Variants in HS6ST3 observed in about 807,000 individuals in gnomAD.
The protein encoded by HS6ST3 is heparan sulfate 6-O-sulfotransferase 3, also known as heparan-sulfate 6-O-sulfotransferase 3.
In HS6ST3, 12 loss-of-function variants were observed where a neutral mutation model predicts 36.7. The observed-to-expected ratio is 0.33, with a 90% CI of 0.21 to 0.53. HS6ST3 has a LOEUF of 0.53. Ranked by LOEUF, HS6ST3 falls within the 20% of genes least tolerant of loss-of-function variation. The probability of loss-of-function intolerance (pLI) is 0.95; values close to 1 mark genes in which losing one functional copy is unlikely to be tolerated. For synonymous variants in HS6ST3, 240 were observed against 257.5 expected (o/e 0.93, Z 0.65); for missense variants, 584 against 640.9 (o/e 0.91, Z 0.96).
chr13:96,410,520 CCACTCTAA>C (rs1188451428), intron 1 of HS6ST3, among the ~76,000 whole-genome samples: 1 of 151,632 alleles, frequency 6.6e-6, no homozygotes. Context: ...AACAACAATA[CCACTCTAA>C]TATACTGTTT....
chr13:96,640,346 T>C (rs1343969871), intron 1 of HS6ST3, among the ~76,000 whole-genome samples: 2 of 152,030 alleles, frequency 1.3e-5, no homozygotes, highest in Non-Finnish European at 2.9e-5. Flanking sequence ...TCCTGTTTGT[T>C]GGCTGCTTAT....
chr13:96,511,383 C>T (rs186082277), intron 1 of HS6ST3, among the ~76,000 whole-genome samples: 3 of 152,110 alleles, frequency 2.0e-5, no homozygotes, highest in Non-Finnish European at 2.9e-5. Context: ...GGAGGATTCC[C>T]ATATCCTCAT....
At chr13:96,470,720 A>G (rs1177615284) in intron 1 of HS6ST3, among the ~76,000 whole-genome samples, 2 of 151,938 alleles carry the variant, frequency 1.3e-5, no homozygotes, top group Non-Finnish European at 2.9e-5. Context: ...ACTCCACTAA[A>G]ATTTCTCTCA....
intron 1 of HS6ST3, among the ~76,000 whole-genome samples, chr13:96,538,795 G>C (rs1248521099): frequency 6.6e-6 from 1 of 152,178 alleles, no homozygotes; most frequent in Non-Finnish European, 1.5e-5. Context: ...GAAAATTCAA[G>C]ATAACCTGGG....
intron 1 of HS6ST3, among the ~76,000 whole-genome samples, chr13:96,321,822 A>T (rs1374285613): frequency 6.6e-6 from 1 of 152,160 alleles, no homozygotes; most frequent in African/African-American, 2.4e-5. Flanking sequence ...AAAAATAGAC[A>T]ACCATGCTGG....
intron 1 of HS6ST3, among the ~76,000 whole-genome samples, chr13:96,727,141 C>T (rs1876025333): frequency 6.6e-6 from 1 of 152,090 alleles, no homozygotes; most frequent in Non-Finnish European, 1.5e-5. Context: ...TATTATCTGT[C>T]AGAAAAAGTA....
intron 1 of HS6ST3, among the ~76,000 whole-genome samples, chr13:96,735,645 T>A (rs1177778056): frequency 6.6e-6 from 1 of 152,178 alleles, no homozygotes; most frequent in Non-Finnish European, 1.5e-5. Context: ...ATTTCCTGAG[T>A]TCTTTGCGCT....
chr13:96,093,672 A>G lies in HS6ST3; in HGVS notation c.707+2103A>G, dbSNP rs1158028913. 2.6e-5 allele frequency among the ~76,000 whole-genome samples: 4 copies of G among 151,792 alleles called. No individual in the cohort carries two copies. In the East Asian group the frequency reaches 7.7e-4, roughly 29 times the overall value. ...CTCTCTCTCTCCCCAGTAATTCTCA[A>G]TTACTTCCTTGCTCTAGATACTGTA... On this transcript the variant is annotated intron_variant, in intron 1 of 1. Coordinates refer to ENST00000376705, the MANE Select transcript of HS6ST3 (RefSeq NM_153456.4).
intron 1 of HS6ST3, among the ~76,000 whole-genome samples, chr13:96,222,304 C>G (rs1370743352): frequency 6.6e-6 from 1 of 152,176 alleles, no homozygotes; most frequent in Non-Finnish European, 1.5e-5. Context: ...TTAGTAATTT[C>G]TAGGCCCTGT....
chr13:96,179,137 A>G (rs976792501), intron 1 of HS6ST3, among the ~76,000 whole-genome samples: 1 of 152,200 alleles, frequency 6.6e-6, no homozygotes, highest in African/African-American at 2.4e-5. Context: ...AATGATGAAT[A>G]TCTCTCAAAA....
chr13:96,509,588 T>C (rs1275591462), intron 1 of HS6ST3, among the ~76,000 whole-genome samples: 1 of 152,234 alleles, frequency 6.6e-6, no homozygotes, highest in African/African-American at 2.4e-5. Context: ...CAGCACTATT[T>C]ATTAAACAGG....
intron 1 of HS6ST3, among the ~76,000 whole-genome samples, chr13:96,494,646 A>G (rs1461503305): frequency 6.6e-6 from 1 of 151,962 alleles, no homozygotes. Flanking sequence ...AATTTGAAAC[A>G]TCCTGTTTCA....
intron 1 of HS6ST3, among the ~76,000 whole-genome samples, chr13:96,774,642 A>G (rs965015237): frequency 1.3e-5 from 2 of 152,286 alleles, no homozygotes; most frequent in South Asian, 2.1e-4. Context: ...AAAAATAATG[A>G]AAAGGAATGA....
At chr13:96,249,278 C>G (rs2054597440) in intron 1 of HS6ST3, among the ~76,000 whole-genome samples, 1 of 152,158 alleles carries the variant, frequency 6.6e-6, no homozygotes, top group African/African-American at 2.4e-5. Context: ...CCCCAGAAAT[C>G]CCTCTCAGGA....
chr13:96,665,646 A>G (rs1281988319), intron 1 of HS6ST3, among the ~76,000 whole-genome samples: 1 of 152,144 alleles, frequency 6.6e-6, no homozygotes, highest in Non-Finnish European at 1.5e-5. Flanking sequence ...AACCTATGAA[A>G]ATAGCTTGGG....
At chr13:96,611,136 T>G (rs992898090) in intron 1 of HS6ST3, among the ~76,000 whole-genome samples, 1 of 150,260 alleles carries the variant, frequency 6.7e-6, no homozygotes, top group African/African-American at 2.4e-5. Flanking sequence ...TTAAATTTAT[T>G]TATTTATTAT....
intron 1 of HS6ST3, among the ~76,000 whole-genome samples, chr13:96,668,649 G>T (rs1295984527): frequency 1.5e-5 from 2 of 137,436 alleles, no homozygotes; most frequent in Non-Finnish European, 3.1e-5. Flanking sequence ...GGGAAAAGAG[G>T]AAGATAAGAG....
At chr13:96,094,245 T>C (rs2053779189) in intron 1 of HS6ST3, among the ~76,000 whole-genome samples, 2 of 152,198 alleles carry the variant, frequency 1.3e-5, no homozygotes, top group Non-Finnish European at 1.5e-5. Flanking sequence ...AATCAATGCA[T>C]GCAAAATGCT....
At chr13:96,546,920 G>T (rs72641890) in intron 1 of HS6ST3, among the ~76,000 whole-genome samples, 3 of 152,146 alleles carry the variant, frequency 2.0e-5, no homozygotes, top group African/African-American at 7.2e-5. Context: ...CACAGTTGTT[G>T]TAGCTATGCA....
Sources: allele counts gnomAD v4.1 joint callset (sites outside exome capture counted in the v4.1 genomes callset), GRCh38; gene constraint gnomAD v4.1.1; transcripts MANE v1.5; gene names NCBI Gene and HGNC (gene_info 2026-07-23, HGNC 2026-07-21).